Variants in CACNA1E observed in about 807,000 individuals in gnomAD.
The protein encoded by CACNA1E is calcium voltage-gated channel subunit alpha1 E, also known as voltage-dependent R-type calcium channel subunit alpha-1E.
CACNA1E carries 40 observed loss-of-function variants against 259.2 expected under a neutral mutation model. The ratio of observed to expected loss-of-function variants is 0.15; its 90% CI spans 0.12 to 0.20. CACNA1E has a LOEUF of 0.20. Ranked by LOEUF, CACNA1E falls within the 10% of genes least tolerant of loss-of-function variation. The pLI, the probability that CACNA1E is intolerant of heterozygous loss-of-function variation, is 1.00. For synonymous variants in CACNA1E, 1,104 were observed against 1,138.5 expected (o/e 0.97, Z 0.61); for missense variants, 1,874 against 3,040.1 (o/e 0.62, Z 9.02).
At chr1:181,793,616 A>C in intron 44 of CACNA1E, 49 bp from the exon 45 acceptor site, 1 of 1,587,290 alleles carries the variant, frequency 6.3e-7, no homozygotes, top group Non-Finnish European at 8.6e-7. Flanking sequence ...CGTGAGAAGC[A>C]ATGAGATGGA....
intron 10 of CACNA1E, 148 bp from the exon 11 acceptor site, chr1:181,716,945 G>A: frequency 1.5e-6 from 1 of 650,174 alleles, no homozygotes; most frequent in East Asian, 2.7e-5. Context: ...AGAAACTACT[G>A]AGCCCGTAAG....
chr1:181,790,383 G>A, intron 43 of CACNA1E, 62 bp from the exon 44 acceptor site: 1 of 1,035,868 alleles, frequency 9.7e-7, no homozygotes, highest in Middle Eastern at 2.0e-4. Context: ...GCCCTGCTGG[G>A]GTGGGAATTG....
intron 2 of CACNA1E, among the ~76,000 whole-genome samples, chr1:181,441,973 C>T (rs927703837): frequency 1.3e-5 from 2 of 152,144 alleles, no homozygotes; most frequent in Non-Finnish European, 1.5e-5. Context: ...CAGCTCAGAG[C>T]CAGAAGTTGC....
intron 2 of CACNA1E, among the ~76,000 whole-genome samples, chr1:181,427,606 A>C (rs1571848919): frequency 2.8e-5 from 1 of 36,248 alleles, no homozygotes; most frequent in African/African-American, 1.2e-4. Context: ...CCCCCACCTC[A>C]ACTCCTCTAC....
chr1:181,784,403 G>A (rs943261612), intron 40 of CACNA1E, among the ~76,000 whole-genome samples: 6 of 152,172 alleles, frequency 3.9e-5, no homozygotes, highest in South Asian at 2.1e-4. Flanking sequence ...CTTTTAGAAC[G>A]AATGAGGAAG....
Position 181,528,147 on chromosome 1 carries a change from T to TTG in CACNA1E, c.512+16637_512+16638insTG, listed in dbSNP as rs1553270275. ...CACATGTTGTGGGAGGGGCCCGGGG[T>TTG]GGGGGGGGCAGTAATTGAATCATGG... is the stretch of plus-strand genomic sequence containing the variant. On this transcript the variant is annotated intron_variant, in intron 3 of 47. Transcript: ENST00000367573. Among the ~76,000 whole-genome samples the TTG allele has an allele frequency of 0.015, 2,097 of 136,482 alleles. 64 individuals are homozygous for TTG. The East Asian group carries it at 0.16, about 10-fold the overall frequency. The allele number at this position is 136,482 out of a possible 152,430, so 89.5% of individuals were successfully genotyped here.
rs1283620425 is a variant in CACNA1E, at chr1:181,771,350, C to T, written c.4939C>T (p.Arg1647Trp). 3 of 1,603,326 alleles carry T rather than the reference C, an allele frequency of 1.9e-6. No homozygotes were observed. The highest frequency in any genetic ancestry group is 2.6e-6 in the Non-Finnish European group (3 of 1,173,454). ...TCACATCAACCGGCACAACAACTTCCGGAGTTTCTTTGGGTCCCTAATGCT... is the reference window on the plus strand; with the variant it reads ...TCACATCAACCGGCACAACAACTTCTGGAGTTTCTTTGGGTCCCTAATGCT... The part of the protein sequence containing the change: ...ESHINRHNNF[R>W]SFFGSLMLLF... The change falls in exon 36 of 48, where the codon CGG becomes TGG. Residue 1647 changes from arginine to tryptophan, a missense_variant. Coordinates refer to ENST00000367573, the MANE Select transcript of CACNA1E (RefSeq NM_001205293.3).
chr1:181,709,285 C>G (rs972947379), intron 7 of CACNA1E, among the ~76,000 whole-genome samples: 3 of 152,176 alleles, frequency 2.0e-5, no homozygotes, highest in African/African-American at 7.2e-5. Flanking sequence ...CCTGGTCACT[C>G]TTCATTTTGA....
chr1:181,473,225 G>C (rs1175289382), intron 2 of CACNA1E, among the ~76,000 whole-genome samples: 2 of 152,152 alleles, frequency 1.3e-5, no homozygotes, highest in African/African-American at 4.8e-5. Context: ...GAGTTTGGCT[G>C]ATACCTTTTG....
chr1:181,660,221 A>G (rs1359791288), intron 7 of CACNA1E, among the ~76,000 whole-genome samples: 1 of 152,212 alleles, frequency 6.6e-6, no homozygotes, highest in African/African-American at 2.4e-5. Context: ...GACAAGCCAA[A>G]CTACAGCTGT....
In CACNA1E at chr1:181,732,352, C is replaced by G; in HGVS notation, c.2298-32C>G. 1 of 1,475,652 alleles carries G rather than the reference C, an allele frequency of 6.8e-7. No individual in the cohort carries two copies. The highest frequency in any genetic ancestry group is 9.0e-7 in the Non-Finnish European group (1 of 1,113,216). The allele number at this position is 1,475,652 out of a possible 1,614,324, so 91.4% of individuals were successfully genotyped here. ...CCTCCCTGCCTGCAGCTTCTGGGCT[C>G]TGACCGCGGCCCTGCCCTTTCCCCT... is the stretch of plus-strand genomic sequence containing the variant. On this transcript the variant is annotated intron_variant, in intron 19 of 47. Transcript: ENST00000367573. This position sits in a 1 kb window ranked among gnomAD's most constrained non-coding sequence, Gnocchi z 5.5.
chr1:181,792,013 A>G (rs1468830386), intron 44 of CACNA1E, among the ~76,000 whole-genome samples: 1 of 151,658 alleles, frequency 6.6e-6, no homozygotes, highest in African/African-American at 2.4e-5. Context: ...GGGCTGAGCA[A>G]TTGACTGCCT....
At chr1:181,706,448 C>T (rs145148174) in intron 7 of CACNA1E, among the ~76,000 whole-genome samples, 1 of 152,248 alleles carries the variant, frequency 6.6e-6, no homozygotes, top group East Asian at 1.9e-4. Context: ...GAAGCTGAAT[C>T]TTATTTGCTC....
intron 7 of CACNA1E, among the ~76,000 whole-genome samples, chr1:181,701,789 C>T (rs773394730): frequency 5.3e-5 from 8 of 152,190 alleles, no homozygotes; most frequent in Non-Finnish European, 8.8e-5. Context: ...GATCATCCCA[C>T]TTATGGGAGG....
intron 6 of CACNA1E, among the ~76,000 whole-genome samples, chr1:181,624,714 G>A (rs987453104): frequency 6.6e-6 from 1 of 152,094 alleles, no homozygotes; most frequent in African/African-American, 2.4e-5. Flanking sequence ...CATGAGGGTT[G>A]GAGTCAACTT....
chr1:181,352,348 T>G (rs1187898756), intron 1 of CACNA1E, among the ~76,000 whole-genome samples: 1 of 152,126 alleles, frequency 6.6e-6, no homozygotes, highest in African/African-American at 2.4e-5. Flanking sequence ...GGGTGAGTAC[T>G]TCCGTTGGCA....
At chr1:181,482,515 G>A (rs1021373998), upstream of CACNA1E, among the ~76,000 whole-genome samples, 1 of 152,268 alleles carries the variant, frequency 6.6e-6, no homozygotes, top group African/African-American at 2.4e-5. Context: ...AGGCAAGCCA[G>A]CCTCACCTTC....
At chr1:181,405,813 T>C (rs1189097628) in intron 1 of CACNA1E, among the ~76,000 whole-genome samples, 1 of 152,214 alleles carries the variant, frequency 6.6e-6, no homozygotes, top group Non-Finnish European at 1.5e-5. Flanking sequence ...GTAAGCCTCA[T>C]GCAAAATCTT....
intron 1 of CACNA1E, among the ~76,000 whole-genome samples, chr1:181,369,299 A>G (rs1255374792): frequency 6.6e-6 from 1 of 152,340 alleles, no homozygotes; most frequent in African/African-American, 2.4e-5. Context: ...CTTGCTACCA[A>G]GTCTTTTTAA....
Sources: gnomAD v4.1 joint callset for allele counts (sites outside exome capture counted in the v4.1 genomes callset) on GRCh38, gnomAD v4.1.1 for gene constraint, Gnocchi (gnomAD v3.1) non-coding constraint, MANE v1.5 for transcripts, NCBI Gene and HGNC (gene_info 2026-07-23, HGNC 2026-07-21) for gene names.